DDX10: variants seen among roughly 807,000 people sequenced by gnomAD.
DDX10 encodes the protein probable ATP-dependent RNA helicase DDX10.
In DDX10, 74 loss-of-function variants were observed where a neutral mutation model predicts 104.3. The ratio of observed to expected loss-of-function variants is 0.71; its 90% confidence interval spans 0.59 to 0.86. The LOEUF (loss-of-function observed/expected upper bound fraction) is 0.86, where lower values mean the gene tolerates loss of function less well. DDX10 is among the 40% of genes least tolerant of loss of function. The probability of loss-of-function intolerance (pLI) is 0.00; values close to 1 mark genes in which losing one functional copy is unlikely to be tolerated. For synonymous variants in DDX10, 351 were observed against 353.4 expected, an observed-to-expected ratio of 0.99 and a Z score of 0.08; for missense variants, 952 against 1,040.0, an observed-to-expected ratio of 0.92 and a Z score of 1.16.
Position 108,841,439 on chromosome 11 carries a change from A to G in DDX10, c.2210A>G (p.Lys737Arg). 2 of 1,613,980 alleles carry G rather than the reference A, an allele frequency of 1.2e-6. No homozygotes were observed. The highest frequency in any genetic ancestry group is 1.7e-6 in the Non-Finnish European group (2 of 1,179,880). Reference protein sequence around the residue: ...ERLQEEDKFDKEEYRKKIKAK... With the variant: ...ERLQEEDKFDREEYRKKIKAK... ...CTTCAGGAAGAGGACAAATTTGACA[A>G]AGAAGAATATAGGAAAAAAATTAAG... Residue 737 changes from lysine to arginine, a missense_variant, in exon 15 of 18, where the codon AAA becomes AGA. Physicochemically the swap from Lys to Arg is conservative, Grantham distance 26. Around this residue, in one of 3 missense-constraint regions of DDX10, gnomAD observed 533 missense variants for 534.1 expected, o/e 1.00. Coordinates refer to ENST00000322536, the MANE Select transcript of DDX10 (RefSeq NM_004398.4).
rs998671384 is a variant in DDX10, at chr11:108,940,534, A to G, written c.*111A>G. ...TAGGTACCATATGCCCCATTCCCAA[A>G]GGGCACATTTCTGGATAGAAGCGAT... On this transcript the variant is annotated 3_prime_UTR_variant, in exon 18 of 18. Coordinates refer to ENST00000322536, the MANE Select transcript of DDX10 (RefSeq NM_004398.4). 4.0e-5 allele frequency: 43 copies of G among 1,067,600 alleles called. No homozygotes were observed. Among genetic ancestry groups the G allele is most frequent in the Non-Finnish European group, 5.6e-5 (42 of 745,946 alleles). The allele number at this position is 1,067,600 out of a possible 1,614,324, so 66.1% of individuals were successfully genotyped here. A position where few individuals can be genotyped will look rare whatever the true frequency, so the allele number is the denominator to read the frequency against.
chr11:108,782,965 C>T (rs1306938927), intron 13 of DDX10, among the ~76,000 whole-genome samples: 1 of 152,178 alleles, frequency 6.6e-6, no homozygotes, highest in Non-Finnish European at 1.5e-5. Context: ...TATTCTTCAC[C>T]CACATATGCT....
chr11:108,723,118 A>C lies in DDX10; in HGVS notation c.1621A>C (p.Thr541Pro). 1 of 1,613,834 alleles carries C rather than the reference A, an allele frequency of 6.2e-7. No homozygotes were observed. The change falls in exon 13 of 18, where the codon ACC (threonine) becomes CCC (proline). Residue 541 changes from threonine to proline, a missense_variant. By Grantham distance (38) the Thr-to-Pro change is conservative (BLOSUM62 -1). Around this residue, in one of 3 missense-constraint regions of DDX10, gnomAD observed 533 missense variants for 534.1 expected, o/e 1.00. Transcript: ENST00000322536. The stretch of plus-strand genomic sequence containing the variant: ...AATTGAGCCAAGGGCTCCCTCCCTC[A>C]CCAATGACGAAGTGGAAGAATTTAG... Reference protein sequence around the residue: ...KVIEPRAPSLTNDEVEEFRAY... With the variant: ...KVIEPRAPSLPNDEVEEFRAY...
intron 16 of DDX10, among the ~76,000 whole-genome samples, chr11:108,861,664 G>A (rs1862943119): frequency 1.3e-5 from 2 of 152,100 alleles, no homozygotes; most frequent in Admixed American, 1.3e-4. Context: ...GGAGTGTGAA[G>A]GGGGCTCCTG....
At chr11:108,884,973 G>GA (rs1434052470) in intron 16 of DDX10, among the ~76,000 whole-genome samples, 1 of 152,090 alleles carries the variant, frequency 6.6e-6, no homozygotes, top group Non-Finnish European at 1.5e-5. Flanking sequence ...TTTCCATCAT[G>GA]ATTTTGTGAA....
chr11:108,772,704 C>T (rs1013859397), intron 13 of DDX10, among the ~76,000 whole-genome samples: 2 of 152,178 alleles, frequency 1.3e-5, no homozygotes, highest in African/African-American at 2.4e-5. Flanking sequence ...GGCGGGTGAG[C>T]GGGCATTACC....
chr11:108,776,287 G>A (rs928664492), intron 13 of DDX10, among the ~76,000 whole-genome samples: 2 of 152,164 alleles, frequency 1.3e-5, no homozygotes, highest in African/African-American at 4.8e-5. Context: ...GCTCCTTGGA[G>A]TTTTGCCACT....
chr11:108,852,148 T>G lies in DDX10; in HGVS notation c.2248-5T>G. 2 of 1,608,732 alleles carry G rather than the reference T, an allele frequency of 1.2e-6. No homozygotes were observed. The highest frequency in any genetic ancestry group is 1.7e-6 in the Non-Finnish European group (2 of 1,176,710). ...GCTAATTTTTCTCCTCTTCCTTGTC[T>G]CCAGGAGAAAAGACTGAAAGAAAGG... is the stretch of plus-strand genomic sequence containing the variant. On this transcript the variant is annotated splice_polypyrimidine_tract_variant and splice_region_variant and intron_variant, in intron 15 of 17. Transcript: ENST00000322536.
At chr11:108,825,771 G>C (rs924109307) in intron 13 of DDX10, among the ~76,000 whole-genome samples, 3 of 152,158 alleles carry the variant, frequency 2.0e-5, no homozygotes, top group Admixed American at 2.0e-4. Flanking sequence ...AAGGAAAATA[G>C]TAGTGCATGG....
intron 6 of DDX10, among the ~76,000 whole-genome samples, chr11:108,684,139 T>TTC (rs1320773047): frequency 1.2e-5 from 1 of 85,790 alleles, no homozygotes; most frequent in African/African-American, 3.6e-5. Flanking sequence ...CTATTTCCAG[T>TTC]TCTTTTTTTT....
chr11:108,767,144 A>G lies in DDX10; in HGVS notation c.1965+43682A>G, dbSNP rs181838656. 2.0e-4 allele frequency among the ~76,000 whole-genome samples: 31 copies of G among 152,238 alleles called. No homozygotes were observed. The East Asian group carries it at 5.8e-3, about 28-fold the overall frequency. On this transcript the variant is annotated intron_variant, in intron 13 of 17. Coordinates refer to ENST00000322536, the MANE Select transcript of DDX10 (RefSeq NM_004398.4). ...ATCGCCAATTGTCTTTAGCATCTTC[A>G]TATGATTTCAGCTGCCAGTAAACAA...
chr11:108,706,067 G>A (rs2094275417), intron 9 of DDX10, among the ~76,000 whole-genome samples: 1 of 152,028 alleles, frequency 6.6e-6, no homozygotes, highest in Admixed American at 6.6e-5. Flanking sequence ...CATCTCCTGG[G>A]TTGAAGCAAT....
chr11:108,673,641 C>A, intron 2 of DDX10, 114 bp downstream of exon 2: 1 of 692,608 alleles, frequency 1.4e-6, no homozygotes. Flanking sequence ...ATTTTGATAT[C>A]ATGAAAACCA....
At chr11:108,756,280 A>G (rs543248970) in intron 13 of DDX10, among the ~76,000 whole-genome samples, 3 of 152,188 alleles carry the variant, frequency 2.0e-5, no homozygotes, top group Admixed American at 6.6e-5. Flanking sequence ...GGTGTCCTGT[A>G]TGATTCTTAT....
At chr11:108,831,113 T>C (rs1862463176) in intron 13 of DDX10, among the ~76,000 whole-genome samples, 1 of 152,134 alleles carries the variant, frequency 6.6e-6, no homozygotes, top group Non-Finnish European at 1.5e-5. Context: ...TCTTAAGAAA[T>C]ACTCTTATCG....
At chr11:108,905,008 A>T (rs908684441) in intron 16 of DDX10, among the ~76,000 whole-genome samples, 2 of 152,170 alleles carry the variant, frequency 1.3e-5, no homozygotes, top group Non-Finnish European at 2.9e-5. Context: ...TTTGAGACCT[A>T]TGTTCTTATT....
chr11:108,665,115 T>C lies in DDX10; in HGVS notation c.-39T>C. 6.4e-7 allele frequency: 1 copy of C among 1,570,482 alleles called. No homozygotes were observed. The highest frequency in any genetic ancestry group is 8.6e-7 in the Non-Finnish European group (1 of 1,161,804). On this transcript the variant is annotated 5_prime_UTR_variant, in exon 1 of 18. Transcript: ENST00000322536. Reference sequence around the variant, plus strand: ...CGTGAGTCTGGCCTTAGGTGTCTCGTGTCTGGGGTTGATCCGAGCTGTCGC... The same window carrying C: ...CGTGAGTCTGGCCTTAGGTGTCTCGCGTCTGGGGTTGATCCGAGCTGTCGC...
chr11:108,838,214 C>T lies in DDX10; in HGVS notation c.1966-232C>T, dbSNP rs140249698. 1.5e-4 allele frequency: 48 copies of T among 310,706 alleles called. No individual in the cohort carries two copies. In the South Asian group the frequency reaches 2.2e-3, roughly 15 times the overall value. The allele number at this position is 310,706 out of a possible 1,614,324, so 19.2% of individuals were successfully genotyped here. ...GTTCTAGTAATAGAGAAAATGTAAA[C>T]GTTATTGGTTTACTAGCCCTCCTAT... On this transcript the variant is annotated intron_variant, in intron 13 of 17. Coordinates refer to ENST00000322536, the MANE Select transcript of DDX10 (RefSeq NM_004398.4).
At chr11:108,800,166 G>A (rs1028440137) in intron 13 of DDX10, among the ~76,000 whole-genome samples, 20 of 151,378 alleles carry the variant, frequency 1.3e-4, no homozygotes, top group Non-Finnish European at 2.5e-4. Flanking sequence ...CATCTTGACC[G>A]AGCGCGGTGG....
Sources: gnomAD v4.1 joint callset for allele counts (sites outside exome capture counted in the v4.1 genomes callset) on GRCh38, gnomAD v4.1.1 for gene constraint, gnomAD v4.1.1 regional missense constraint, MANE v1.5 for transcripts, NCBI Gene and HGNC (gene_info 2026-07-23, HGNC 2026-07-21) for gene names.